KIF1A: variants seen among roughly 807,000 people sequenced by gnomAD.
KIF1A encodes kinesin family member 1A, also known as kinesin-like protein KIF1A.
A neutral mutation model predicts 227.3 loss-of-function variants in KIF1A; 46 were observed. The observed-to-expected ratio is 0.20, with a 90% CI of 0.16 to 0.26. KIF1A has a LOEUF of 0.26. KIF1A is among the 10% of genes least tolerant of loss of function. The pLI is 1.00. For synonymous variants in KIF1A, 1,022 were observed against 1,012.8 expected, an observed-to-expected ratio of 1.01 and a Z score of -0.17; for missense variants, 1,683 against 2,485.9, an observed-to-expected ratio of 0.68 and a Z score of 6.87.
chr2:240,723,055 C>T (rs924211459), intron 42 of KIF1A, among the ~76,000 whole-genome samples: 3 of 152,200 alleles, frequency 2.0e-5, no homozygotes, highest in African/African-American at 7.2e-5. Flanking sequence ...ACACTCGGCC[C>T]GAGGCAGTGC....
At chr2:240,769,077 C>A in intron 17 of KIF1A, 56 bp downstream of exon 17, 1 of 1,486,962 alleles carries the variant, frequency 6.7e-7, no homozygotes, top group Non-Finnish European at 9.2e-7. Context: ...TGAGACAGCA[C>A]CTCACCTGGT....
At chr2:240,812,338 G>A (rs191910886) in intron 1 of KIF1A, among the ~76,000 whole-genome samples, 489 of 152,310 alleles carry the variant, frequency 3.2e-3, no homozygotes, top group Non-Finnish European at 5.4e-3. Context: ...ATGGGGTGAC[G>A]GTGAGGGCCA....
Position 240,783,378 on chromosome 2 carries a change from A to G in KIF1A, c.799-269T>C, listed in dbSNP as rs115157239. Among the ~76,000 whole-genome samples, 1,024 of 152,260 alleles carry G rather than the reference A, an allele frequency of 6.7e-3. 17 individuals are homozygous for G. The highest frequency in any genetic ancestry group is 0.024 in the African/African-American group (1,004 of 41,540). On this transcript the variant is annotated intron_variant, in intron 8 of 48. Coordinates refer to ENST00000498729, the MANE Select transcript of KIF1A (RefSeq NM_001244008.2). The stretch of plus-strand genomic sequence containing the variant: ...TGAAATGCTTCCGGGTCCCCTGCCC[A>G]AGCATCTAGTGCTGAGGCCAGCAGG...
chr2:240,720,967 G>C lies in KIF1A; in HGVS notation c.4815C>G (p.Pro1605=). The change falls in exon 45 of 49, where the codon CCC becomes CCG. Residue 1605 remains proline (P), a synonymous_variant. Coordinates refer to ENST00000498729, the MANE Select transcript of KIF1A (RefSeq NM_001244008.2). ...CAACCAGAGAGGGGCAAGTGGAGGA[G>C]GGGGTGAGAGTGGCCACCCCTAGAG... is the stretch of plus-strand genomic sequence containing the variant. ...MSPLGVATLT[P]SSTCPSLVEG... is the part of the protein sequence containing the mutation. The C allele has an allele frequency of 6.2e-7, 1 of 1,604,364 alleles. No individual in the cohort carries two copies. The highest frequency in any genetic ancestry group is 8.5e-7 in the Non-Finnish European group (1 of 1,175,934).
At position 240,758,964 on chromosome 2, in the gene KIF1A, T is replaced by C. The variant is rs2050183529; in HGVS notation, c.2445-467A>G. 6.6e-6 allele frequency among the ~76,000 whole-genome samples: 1 copy of C among 152,130 alleles called. No individual in the cohort carries two copies. Among genetic ancestry groups the C allele is most frequent in the Non-Finnish European group, 1.5e-5 (1 of 68,042 alleles). ...ATTATTATTCCCAAGAAAAACTTAA[T>C]GTAGGACAAAGGAAAAGCAATCATT... On this transcript the variant is annotated intron_variant, in intron 25 of 48. Transcript: ENST00000498729. This position sits in a 1 kb window ranked among gnomAD's most constrained non-coding sequence, Gnocchi z 5.2.
chr2:240,782,927 C>T, intron 9 of KIF1A, 117 bp downstream of exon 9: 1 of 883,744 alleles, frequency 1.1e-6, no homozygotes, highest in South Asian at 1.3e-5. Flanking sequence ...TCCGGGCTCT[C>T]CCTTGAACCT....
At chr2:240,794,504 C>T (rs1051513047) in intron 2 of KIF1A, among the ~76,000 whole-genome samples, 1 of 152,362 alleles carries the variant, frequency 6.6e-6, no homozygotes. Flanking sequence ...TCGTGTGGCA[C>T]TTTCTCACAG....
intron 1 of KIF1A, among the ~76,000 whole-genome samples, chr2:240,819,295 C>T (rs1028809248): frequency 6.6e-6 from 1 of 152,154 alleles, no homozygotes; most frequent in East Asian, 1.9e-4. Flanking sequence ...GGGGGCGCGC[C>T]GCCAGCCTAG....
At chr2:240,784,592 G>A (rs1053102030) in intron 7 of KIF1A, among the ~76,000 whole-genome samples, 3 of 152,226 alleles carry the variant, frequency 2.0e-5, no homozygotes, top group African/African-American at 7.2e-5. Context: ...CCACACGGCT[G>A]CCTGAGCGAG....
At chr2:240,797,534 G>A in intron 2 of KIF1A, 113 bp downstream of exon 2, 2 of 714,546 alleles carry the variant, frequency 2.8e-6, no homozygotes, top group Non-Finnish European at 2.5e-6. Flanking sequence ...CATAGACAAG[G>A]AGGTGCTCTT....
rs201176606 is a variant in KIF1A at position 240,773,288 on chromosome 2, C to G, written c.1038-32G>C. 6.2e-6 allele frequency: 10 copies of G among 1,612,492 alleles called. No individual in the cohort carries two copies. In the East Asian group the frequency reaches 2.0e-4, roughly 32 times the overall value. On this transcript the variant is annotated intron_variant, in intron 12 of 48. Coordinates refer to ENST00000498729, the MANE Select transcript of KIF1A (RefSeq NM_001244008.2). ...GGCAGAGGGGGCTGTGGGCTGTGCT[C>G]GGGACAGGTCCACATCTGGCAGGTC...
chr2:240,771,222 G>C, intron 14 of KIF1A, 118 bp from the exon 15 acceptor site: 1 of 1,245,030 alleles, frequency 8.0e-7, no homozygotes, highest in Non-Finnish European at 1.2e-6. Flanking sequence ...ACAGAGGGAG[G>C]GAGAGAAAAA....
Position 240,714,894 on chromosome 2 carries a change from C to G in KIF1A, c.*2470G>C, listed in dbSNP as rs1196730470. The G allele has an allele frequency of 1.3e-5, 2 of 152,278 alleles. No individual in the cohort carries two copies. The highest frequency in any genetic ancestry group is 4.8e-5 in the African/African-American group (2 of 41,452). 9.4% of individuals were successfully genotyped at this position (152,278 alleles called of 1,614,324 possible). ...ACCTGGCTGAGAGGACACAGCCAGG[C>G]AGTCTCCATGGCAGTGGAGGCTTCT... On this transcript the variant is annotated 3_prime_UTR_variant, in exon 49 of 49. Coordinates refer to ENST00000498729, the MANE Select transcript of KIF1A (RefSeq NM_001244008.2).
At chr2:240,760,884 G>C in intron 24 of KIF1A, 41 bp from the exon 25 acceptor site, 2 of 1,567,442 alleles carry the variant, frequency 1.3e-6, no homozygotes, top group Non-Finnish European at 1.7e-6. Context: ...CTCCTTGGGG[G>C]ACAGGGTGCC....
At chr2:240,781,449 ACACACACACAGCTC>A (rs2053966120) in intron 10 of KIF1A, among the ~76,000 whole-genome samples, 1 of 73,518 alleles carries the variant, frequency 1.4e-5, no homozygotes, top group Admixed American at 1.1e-4. Flanking sequence ...ACACACACAC[ACACACACACAGCTC>A]CACACACACA....
At chr2:240,720,871 C>T (rs1415135943) in intron 45 of KIF1A, 43 bp downstream of exon 45, 3 of 1,513,836 alleles carry the variant, frequency 2.0e-6, no homozygotes, top group Non-Finnish European at 2.7e-6. Flanking sequence ...CATGGGTCAG[C>T]CGTGGTGCCA....
rs778946947 is a variant in KIF1A at position 240,788,387 on chromosome 2, G to A, written c.184-157C>T. Among the ~76,000 whole-genome samples the A allele has an allele frequency of 8.5e-5, 13 of 152,166 alleles. No homozygotes were observed. Among genetic ancestry groups the A allele is most frequent in the Non-Finnish European group, 1.9e-4 (13 of 68,034 alleles). On this transcript the variant is annotated intron_variant, in intron 3 of 48. Coordinates refer to ENST00000498729, the MANE Select transcript of KIF1A (RefSeq NM_001244008.2). The surrounding 1 kb of genome is among the most constrained non-coding windows in gnomAD (Gnocchi z 6.6). ...CCCCCATCCTACTCCTGCCTTGTGG[G>A]GTAGCTTCCTGGAGGAGAAGCCCTC...
intron 38 of KIF1A, among the ~76,000 whole-genome samples, chr2:240,729,138 A>G (rs902094554): frequency 6.6e-6 from 1 of 151,912 alleles, no homozygotes; most frequent in African/African-American, 2.4e-5. Flanking sequence ...TATCTAGTAC[A>G]CTCTAGCATC....
chr2:240,738,589 A>G (rs1168963483), intron 37 of KIF1A, among the ~76,000 whole-genome samples: 3 of 152,210 alleles, frequency 2.0e-5, no homozygotes, highest in Non-Finnish European at 2.9e-5. Context: ...AGGGCTGCTC[A>G]GTCACGAAGC....
Sources: allele counts gnomAD v4.1 joint callset (sites outside exome capture counted in the v4.1 genomes callset), GRCh38; gene constraint gnomAD v4.1.1; non-coding constraint Gnocchi (gnomAD v3.1); transcripts MANE v1.5; gene names NCBI Gene and HGNC (gene_info 2026-07-23, HGNC 2026-07-21).